Variants in FRMD4B observed in about 807,000 individuals in gnomAD.
The protein encoded by FRMD4B is FERM domain-containing protein 4B.
A neutral mutation model predicts 141.5 loss-of-function variants in FRMD4B; 74 were observed. The ratio of observed to expected loss-of-function variants is 0.52; its 90% CI spans 0.43 to 0.63. The LOEUF (loss-of-function observed/expected upper bound fraction) is 0.63. Ranked by LOEUF, FRMD4B falls within the 30% of genes least tolerant of loss-of-function variation. The probability of loss-of-function intolerance (pLI) is 0.00; values close to 1 mark genes in which losing one functional copy is unlikely to be tolerated. For missense variants in FRMD4B, 1,366 were observed against 1,253.4 expected (o/e 1.09, Z -1.36); for synonymous variants, 506 against 467.9 (o/e 1.08, Z -1.05).
chr3:69,491,969 T>C (rs1706306516), intron 1 of FRMD4B, among the ~76,000 whole-genome samples: 1 of 152,314 alleles, frequency 6.6e-6, no homozygotes, highest in African/African-American at 2.4e-5. Flanking sequence ...CTAAGCCTCC[T>C]CTTCCCCCTC....
intron 1 of FRMD4B, among the ~76,000 whole-genome samples, chr3:69,500,747 G>C (rs748158674): frequency 9.9e-5 from 15 of 151,618 alleles, no homozygotes; most frequent in Non-Finnish European, 1.8e-4. Context: ...TGCCACAGAA[G>C]TTGCCCAGAA....
Position 69,235,944 on chromosome 3 carries a change from G to A in FRMD4B, c.582-11254C>T, listed in dbSNP as rs559807568. On this transcript the variant is annotated intron_variant, in intron 7 of 22. Coordinates refer to ENST00000398540, the MANE Select transcript of FRMD4B (RefSeq NM_015123.3). Reference sequence around the variant, plus strand: ...GGACAGGAAATAGGGAAGGAGCAGAGGAAAGATTTTAACTTTGAGGCTTCA... The same window carrying A: ...GGACAGGAAATAGGGAAGGAGCAGAAGAAAGATTTTAACTTTGAGGCTTCA... Among the ~76,000 whole-genome samples, 4 of 152,316 alleles carry A rather than the reference G, an allele frequency of 2.6e-5. No individual in the cohort carries two copies. The South Asian group carries it at 6.2e-4, about 24-fold the overall frequency.
At chr3:69,433,413 G>A (rs545930192) in intron 1 of FRMD4B, among the ~76,000 whole-genome samples, 11 of 152,314 alleles carry the variant, frequency 7.2e-5, no homozygotes, top group African/African-American at 2.4e-4. Context: ...ACACACCCAA[G>A]TGTAAAAACA....
chr3:69,356,236 T>C (rs973760434), intron 1 of FRMD4B, among the ~76,000 whole-genome samples: 1 of 152,188 alleles, frequency 6.6e-6, no homozygotes, highest in Non-Finnish European at 1.5e-5. Flanking sequence ...GTATTGATCC[T>C]GGGTGTGCCT....
chr3:69,501,084 G>A (rs1326148395), intron 1 of FRMD4B, among the ~76,000 whole-genome samples: 1 of 152,044 alleles, frequency 6.6e-6, no homozygotes, highest in African/African-American at 2.4e-5. Flanking sequence ...TTAAAAATCA[G>A]GCAATCCAAA....
chr3:69,249,595 A>C (rs1280493544), intron 6 of FRMD4B, among the ~76,000 whole-genome samples: 4 of 152,222 alleles, frequency 2.6e-5, no homozygotes, highest in Non-Finnish European at 5.9e-5. Flanking sequence ...AATACAGGTA[A>C]ACCAACACAT....
At chr3:69,494,610 A>T (rs372123230) in intron 1 of FRMD4B, among the ~76,000 whole-genome samples, 6 of 152,112 alleles carry the variant, frequency 3.9e-5, no homozygotes, top group African/African-American at 1.4e-4. Flanking sequence ...AGAAACAATC[A>T]GCTGGGTGCG....
chr3:69,347,463 A>G (rs551040306), intron 1 of FRMD4B, among the ~76,000 whole-genome samples: 2 of 152,346 alleles, frequency 1.3e-5, no homozygotes, highest in East Asian at 3.9e-4. Flanking sequence ...AATTGAATTC[A>G]GCTCTGCACC....
intron 5 of FRMD4B, among the ~76,000 whole-genome samples, chr3:69,253,359 C>T (rs1473317556): frequency 2.0e-5 from 3 of 152,030 alleles, no homozygotes; most frequent in Admixed American, 2.0e-4. Context: ...TATCAGGAAT[C>T]CTCCAAAGGT....
intron 1 of FRMD4B, among the ~76,000 whole-genome samples, chr3:69,327,330 G>T (rs914810206): frequency 6.6e-6 from 1 of 152,174 alleles, no homozygotes; most frequent in African/African-American, 2.4e-5. Context: ...AAAATAAACT[G>T]CAGTACTTGT....
chr3:69,339,534 CATG>C (rs529051722), intron 1 of FRMD4B, among the ~76,000 whole-genome samples: 28 of 152,238 alleles, frequency 1.8e-4, no homozygotes, highest in African/African-American at 6.3e-4. Flanking sequence ...CAGCGTTAGC[CATG>C]ATGACTATTA....
chr3:69,532,408 G>T (rs1261525516), intron 1 of FRMD4B, among the ~76,000 whole-genome samples: 1 of 152,184 alleles, frequency 6.6e-6, no homozygotes, highest in Non-Finnish European at 1.5e-5. Flanking sequence ...AAATTAAAGT[G>T]AGACTAGTGC....
chr3:69,302,585 G>A, intron 3 of FRMD4B, 150 bp from the exon 4 acceptor site: 2 of 592,040 alleles, frequency 3.4e-6, no homozygotes, highest in Admixed American at 2.9e-5. Context: ...GACCAACTCA[G>A]CAATTTCTTT....
chr3:69,240,696 C>T (rs1253002019), intron 7 of FRMD4B, among the ~76,000 whole-genome samples: 1 of 152,000 alleles, frequency 6.6e-6, no homozygotes, highest in East Asian at 1.9e-4. Flanking sequence ...TTCCTGATCA[C>T]ACAAAAAAAT....
chr3:69,237,433 C>T (rs1052843777), intron 7 of FRMD4B, among the ~76,000 whole-genome samples: 2 of 152,272 alleles, frequency 1.3e-5, no homozygotes, highest in African/African-American at 4.8e-5. Context: ...ATAAGCCTTT[C>T]TCCTGGCCTC....
chr3:69,406,669 C>T (rs1408793084), intron 2 of FRMD4B, among the ~76,000 whole-genome samples: 2 of 152,100 alleles, frequency 1.3e-5, no homozygotes, highest in East Asian at 3.8e-4. Flanking sequence ...GGGCAGGTCT[C>T]TATAGCTGTC....
intron 4 of FRMD4B, among the ~76,000 whole-genome samples, chr3:69,301,233 G>C (rs1701208531): frequency 6.6e-6 from 1 of 152,218 alleles, no homozygotes; most frequent in South Asian, 2.1e-4. Flanking sequence ...AAAGTGGGGA[G>C]AGGGGGTCAG....
chr3:69,178,424 A>G (rs1208143646), intron 21 of FRMD4B, among the ~76,000 whole-genome samples: 2 of 152,096 alleles, frequency 1.3e-5, no homozygotes, highest in Non-Finnish European at 2.9e-5. Context: ...CATGGTTGTA[A>G]TCCCAGCACT....
chr3:69,325,825 T>C (rs1702172357), intron 1 of FRMD4B, among the ~76,000 whole-genome samples: 1 of 152,218 alleles, frequency 6.6e-6, no homozygotes, highest in Admixed American at 6.5e-5. Context: ...ATTACCAGTT[T>C]ATCCTTACCC....
Sources: gnomAD v4.1 joint callset for allele counts (sites outside exome capture counted in the v4.1 genomes callset) on GRCh38, gnomAD v4.1.1 for gene constraint, MANE v1.5 for transcripts, NCBI Gene and HGNC (gene_info 2026-07-23, HGNC 2026-07-21) for gene names.